PPP1R8: variants seen among roughly 807,000 people sequenced by gnomAD.
PPP1R8 encodes the protein protein phosphatase 1 regulatory subunit 8.
In PPP1R8, 4 loss-of-function variants were observed where a neutral mutation model predicts 31.3. The ratio of observed to expected loss-of-function variants is 0.13; its 90% CI spans 0.06 to 0.29. The LOEUF (loss-of-function observed/expected upper bound fraction) is 0.29, where lower values mean the gene tolerates loss of function less well. PPP1R8 is among the 10% of genes least tolerant of loss of function. The pLI, the probability that PPP1R8 is intolerant of heterozygous loss-of-function variation, is 1.00. For synonymous variants in PPP1R8, 170 were observed against 169.7 expected (o/e 1.00, Z -0.01); for missense variants, 254 against 440.1 (o/e 0.58, Z 3.78).
intron 2 of PPP1R8, chr1:27,834,503 G>C (rs756901293): frequency 1.2e-5 from 6 of 518,906 alleles, no homozygotes; most frequent in Non-Finnish European, 2.3e-5. Context: ...TAAAACAAAA[G>C]CCATGAGTCT....
chr1:27,835,322 A>C (rs2089154103), intron 2 of PPP1R8, among the ~76,000 whole-genome samples: 1 of 152,224 alleles, frequency 6.6e-6, no homozygotes, highest in Admixed American at 6.5e-5. Context: ...ATTCAGCCCA[A>C]ATAACTATTA....
intron 4 of PPP1R8, among the ~76,000 whole-genome samples, chr1:27,841,959 A>C (rs2089226221): frequency 6.6e-6 from 1 of 152,232 alleles, no homozygotes; most frequent in South Asian, 2.1e-4. Context: ...GACCAAATGC[A>C]ATCATGTCCT....
intron 6 of PPP1R8, among the ~76,000 whole-genome samples, chr1:27,849,347 G>T (rs563913854): frequency 6.7e-6 from 1 of 148,250 alleles, no homozygotes; most frequent in Admixed American, 6.7e-5. Context: ...CTCCAGCCTG[G>T]GCAACAAGAG....
chr1:27,848,044 C>T (rs750416831), intron 6 of PPP1R8, among the ~76,000 whole-genome samples: 4 of 152,092 alleles, frequency 2.6e-5, no homozygotes, highest in African/African-American at 7.2e-5. Context: ...GTTTGCCATG[C>T]CTTTATTTTA....
Position 27,850,074 on chromosome 1 carries a change from T to G in PPP1R8, c.703-19T>G. ...TCTTCTCTCTCCAATCTCTCCCCTC[T>G]CCTCATCGTGAACTGTAGAAGAAGC... On this transcript the variant is annotated intron_variant, in intron 6 of 6. Coordinates refer to ENST00000311772, the MANE Select transcript of PPP1R8 (RefSeq NM_014110.5). 6.5e-7 allele frequency: 1 copy of G among 1,529,766 alleles called. No individual in the cohort carries two copies. Among genetic ancestry groups the G allele is most frequent in the Non-Finnish European group, 8.8e-7 (1 of 1,136,392 alleles). The allele number at this position is 1,529,766 out of a possible 1,614,324, so 94.8% of individuals were successfully genotyped here.
chr1:27,832,012 C>T (rs939311085), intron 1 of PPP1R8, among the ~76,000 whole-genome samples: 4 of 152,148 alleles, frequency 2.6e-5, no homozygotes, highest in Admixed American at 6.5e-5. Context: ...TTTGATCCCT[C>T]GCTGTATTGA....
intron 1 of PPP1R8, 36 bp from the exon 2 acceptor site, chr1:27,832,720 A>T (rs770386240): frequency 6.4e-7 from 1 of 1,559,274 alleles, no homozygotes; most frequent in African/African-American, 1.4e-5. Context: ...TTATAAACCC[A>T]TCCTGAAAAT....
At chr1:27,831,396 A>T (rs1324684144) in intron 1 of PPP1R8, 1 of 981,066 alleles carries the variant, frequency 1.0e-6, no homozygotes. Flanking sequence ...GCCCTCAGGG[A>T]GCTCCCAGTC....
rs191757660 is a variant in PPP1R8, at chr1:27,834,823, G to A, written c.117+2007G>A. Among the ~76,000 whole-genome samples, 459 of 152,236 alleles carry A rather than the reference G, an allele frequency of 3.0e-3. 4 individuals carry two copies. The highest frequency in any genetic ancestry group is 0.011 in the African/African-American group (437 of 41,536). ...ACCTGAGGTCAGGAGTTCAAGACCA[G>A]GCTGGCCAGCATGGCAAAACCCCGT... On this transcript the variant is annotated intron_variant, in intron 2 of 6. Coordinates refer to ENST00000311772, the MANE Select transcript of PPP1R8 (RefSeq NM_014110.5).
At position 27,851,628 on chromosome 1, in the gene PPP1R8, T is replaced by A. The variant is rs572933834; in HGVS notation, c.*1182T>A. The A allele has an allele frequency of 1.2e-4, 61 of 498,934 alleles. No individual in the cohort carries two copies. The East Asian group carries it at 3.1e-3, about 26-fold the overall frequency. The allele number at this position is 498,934 out of a possible 1,614,324, so 30.9% of individuals were successfully genotyped here. On this transcript the variant is annotated 3_prime_UTR_variant, in exon 7 of 7. Coordinates refer to ENST00000311772, the MANE Select transcript of PPP1R8 (RefSeq NM_014110.5). The stretch of plus-strand genomic sequence containing the variant: ...AGTCACTGGGCTTGGGAGGCAATGC[T>A]CCATCCCCATTATATTACAAATAAA...
chr1:27,840,915 G>A (rs1465184472), intron 3 of PPP1R8, 99 bp from the exon 4 acceptor site: 1 of 1,215,670 alleles, frequency 8.2e-7, no homozygotes, highest in Non-Finnish European at 1.2e-6. Context: ...GTGCTGGGGG[G>A]AAGCTGACCT....
intron 2 of PPP1R8, among the ~76,000 whole-genome samples, chr1:27,838,230 A>AT (rs2089190299): frequency 6.8e-6 from 1 of 147,028 alleles, no homozygotes; most frequent in South Asian, 2.1e-4. Flanking sequence ...AAAAAAAAAA[A>AT]TTAGCTGAAC....
intron 5 of PPP1R8, 121 bp from the exon 6 acceptor site, chr1:27,846,907 C>T (rs1265639755): frequency 6.2e-6 from 5 of 806,202 alleles, no homozygotes; most frequent in Non-Finnish European, 8.6e-6. Context: ...ACCCAGGAAG[C>T]ACTCTCTGTG....
At chr1:27,836,677 C>G (rs995514645) in intron 2 of PPP1R8, among the ~76,000 whole-genome samples, 2 of 152,114 alleles carry the variant, frequency 1.3e-5, no homozygotes, top group African/African-American at 4.8e-5. Flanking sequence ...CTCGGCCTCC[C>G]AAAGTGCTGG....
At chr1:27,838,655 G>A in intron 2 of PPP1R8, 44 bp from the exon 3 acceptor site, 2 of 1,312,152 alleles carry the variant, frequency 1.5e-6, no homozygotes, top group Non-Finnish European at 2.0e-6. Flanking sequence ...GGTAAATGCT[G>A]TTGAAACAAG....
intron 5 of PPP1R8, among the ~76,000 whole-genome samples, chr1:27,845,467 GGTT>G (rs1180136924): frequency 6.6e-6 from 1 of 151,852 alleles, no homozygotes; most frequent in Non-Finnish European, 1.5e-5. Context: ...ATAGCATAGT[GGTT>G]AAGAGCACAG....
chr1:27,851,418 C>G lies in PPP1R8; in HGVS notation c.*972C>G, dbSNP rs1304855407. 5.2e-6 allele frequency: 2 copies of G among 382,912 alleles called. No individual in the cohort carries two copies. The highest frequency in any genetic ancestry group is 4.2e-5 in the African/African-American group (2 of 47,818). The allele number at this position is 382,912 out of a possible 1,614,324, so 23.7% of individuals were successfully genotyped here. The stretch of plus-strand genomic sequence containing the variant: ...GAGACAAAGTTAGGAAACATTGATA[C>G]AAGCTTTGTACAGAGATTTGTACAT... On this transcript the variant is annotated 3_prime_UTR_variant, in exon 7 of 7. Coordinates refer to ENST00000311772, the MANE Select transcript of PPP1R8 (RefSeq NM_014110.5).
chr1:27,831,606 GTC>G (rs2089108546), intron 1 of PPP1R8, among the ~76,000 whole-genome samples: 2 of 152,262 alleles, frequency 1.3e-5, no homozygotes, highest in South Asian at 4.1e-4. Flanking sequence ...TTTGTTGCTT[GTC>G]TCTGTCTCCC....
chr1:27,850,155 G>T lies in PPP1R8; in HGVS notation c.765G>T (p.Gln255His), dbSNP rs772719414. 1.2e-6 allele frequency: 2 copies of T among 1,613,038 alleles called. No individual in the cohort carries two copies. Residue 255 changes from glutamine to histidine, a missense_variant, in exon 7 of 7, where the codon CAG becomes CAT. Gln to His is a conservative substitution (Grantham distance 24). This residue lies in a region of PPP1R8 where 105 missense variants were observed against 128.0 expected (regional missense o/e 0.82). Transcript: ENST00000311772. ...GLEESGSRRM[Q>H]NFAFSGGLYG... ...AGGAATCAGGGAGCAGGCGCATGCA[G>T]AACTTTGCCTTCAGCGGAGGACTCT...
Sources: allele counts gnomAD v4.1 joint callset (sites outside exome capture counted in the v4.1 genomes callset), GRCh38; gene constraint gnomAD v4.1.1; regional missense constraint gnomAD v4.1.1; transcripts MANE v1.5; gene names NCBI Gene and HGNC (gene_info 2026-07-23, HGNC 2026-07-21).